The following MEIS2 variants were observed in gnomAD, a reference collection of about 807,000 sequenced individuals.
MEIS2 encodes the protein homeobox protein Meis2.
MEIS2 carries 9 observed loss-of-function variants against 58.6 expected under a neutral mutation model. That is an observed-to-expected ratio of 0.15 (90% CI 0.09 to 0.27). The LOEUF (loss-of-function observed/expected upper bound fraction) is 0.27, where lower values mean the gene tolerates loss of function less well. Ranked by LOEUF, MEIS2 falls within the 10% of genes least tolerant of loss-of-function variation. The pLI is 1.00. For synonymous variants in MEIS2, 221 were observed against 228.4 expected, an observed-to-expected ratio of 0.97 and a Z score of 0.29; for missense variants, 427 against 635.0, an observed-to-expected ratio of 0.67 and a Z score of 3.52.
chr15:36,912,229 G>T (rs2057064979), intron 9 of MEIS2, among the ~76,000 whole-genome samples: 1 of 152,176 alleles, frequency 6.6e-6, no homozygotes, highest in African/African-American at 2.4e-5. Flanking sequence ...CCATGGAGTG[G>T]CTGGGTAAAT....
Position 37,057,571 on chromosome 15 carries a change from AG to A in MEIS2, c.755-20613del, listed in dbSNP as rs1260482017. Among the ~76,000 whole-genome samples, 3 of 152,208 alleles carry A rather than the reference AG, an allele frequency of 2.0e-5. No individual in the cohort carries two copies. In the East Asian group the frequency reaches 5.8e-4, roughly 29 times the overall value. ...AAAGCGGCAACTCCCTGAGCAGTAAAGGGCTCAACGGGGCCTCCTGGGACCC... is the reference window on the plus strand; with the variant it reads ...AAAGCGGCAACTCCCTGAGCAGTAAAGGCTCAACGGGGCCTCCTGGGACCC... On this transcript the variant is annotated intron_variant, in intron 7 of 11. Transcript: ENST00000561208.
intron 8 of MEIS2, among the ~76,000 whole-genome samples, chr15:37,035,345 A>G (rs1202321996): frequency 6.6e-6 from 1 of 152,242 alleles, no homozygotes; most frequent in Non-Finnish European, 1.5e-5. Flanking sequence ...AATAATAACC[A>G]CATGGCAAGG....
intron 8 of MEIS2, among the ~76,000 whole-genome samples, chr15:37,006,076 TC>T (rs2060911854): frequency 6.6e-6 from 1 of 152,244 alleles, no homozygotes; most frequent in African/African-American, 2.4e-5. Flanking sequence ...CTTCCCTTGT[TC>T]TAAGTATTTG....
intron 7 of MEIS2, among the ~76,000 whole-genome samples, chr15:37,070,568 T>G (rs1277941884): frequency 6.6e-6 from 1 of 152,182 alleles, no homozygotes; most frequent in Non-Finnish European, 1.5e-5. Flanking sequence ...CCTGCTCTAC[T>G]GCAGCTTTCA....
intron 5 of MEIS2, among the ~76,000 whole-genome samples, chr15:37,094,273 C>T (rs536012318): frequency 1.3e-5 from 2 of 152,220 alleles, no homozygotes; most frequent in South Asian, 4.2e-4. Flanking sequence ...AAATGGTTTG[C>T]TGCATTTCAA....
intron 9 of MEIS2, among the ~76,000 whole-genome samples, chr15:36,908,294 CATA>C (rs2056840365): frequency 1.3e-5 from 2 of 152,186 alleles, no homozygotes; most frequent in African/African-American, 4.8e-5. Context: ...ATCCCGTAAT[CATA>C]AAAGACATAA....
chr15:36,938,349 A>G (rs1021954326), intron 9 of MEIS2, among the ~76,000 whole-genome samples: 5 of 152,076 alleles, frequency 3.3e-5, no homozygotes, highest in African/African-American at 1.2e-4. Context: ...TATGCTACCT[A>G]TTGTGAAAAC....
intron 7 of MEIS2, among the ~76,000 whole-genome samples, chr15:37,052,467 C>G (rs1176989111): frequency 6.6e-6 from 1 of 152,154 alleles, no homozygotes; most frequent in Non-Finnish European, 1.5e-5. Context: ...GAACTCAAGT[C>G]CATGCTCTCT....
At chr15:36,910,848 C>T (rs545904758) in intron 9 of MEIS2, among the ~76,000 whole-genome samples, 1 of 152,238 alleles carries the variant, frequency 6.6e-6, no homozygotes, top group South Asian at 2.1e-4. Flanking sequence ...AGTTCAAGCC[C>T]AGCCTGGCCA....
intron 8 of MEIS2, among the ~76,000 whole-genome samples, chr15:36,996,057 A>G (rs1821971319): frequency 2.0e-5 from 2 of 99,124 alleles, no homozygotes; most frequent in African/African-American, 6.3e-5. Flanking sequence ...ATATATATAT[A>G]CACACACATA....
chr15:37,095,982 T>C (rs1199240706), intron 3 of MEIS2: 2 of 429,348 alleles, frequency 4.7e-6, no homozygotes, highest in Non-Finnish European at 4.2e-6. Flanking sequence ...TCACAGCCCC[T>C]CTCCCCAATT....
At chr15:36,997,932 T>C (rs2060583539) in intron 8 of MEIS2, among the ~76,000 whole-genome samples, 1 of 152,208 alleles carries the variant, frequency 6.6e-6, no homozygotes, top group African/African-American at 2.4e-5. Context: ...GGCTGAAACC[T>C]GTGGCCCTGC....
intron 7 of MEIS2, among the ~76,000 whole-genome samples, chr15:37,067,698 A>T (rs1228786564): frequency 2.6e-5 from 4 of 152,076 alleles, no homozygotes; most frequent in Non-Finnish European, 5.9e-5. Flanking sequence ...CCAGATTTGA[A>T]GCCTTTTCCT....
In MEIS2 at chr15:36,973,342, A is replaced by C. The variant is rs554910939; in HGVS notation, c.901-22942T>G. On this transcript the variant is annotated intron_variant, in intron 8 of 11. Transcript: ENST00000561208. ...CTGGTGTGACACTGGCACAACACCT[A>C]TTGCCCCGGTAGAAAGACCTTTATT... is the stretch of plus-strand genomic sequence containing the variant. Among the ~76,000 whole-genome samples, 4 of 152,304 alleles carry C rather than the reference A, an allele frequency of 2.6e-5. No individual in the cohort carries two copies. In the South Asian group the frequency reaches 8.3e-4, roughly 32 times the overall value.
chr15:36,906,029 A>G (rs1350021549), intron 9 of MEIS2, among the ~76,000 whole-genome samples: 1 of 152,178 alleles, frequency 6.6e-6, no homozygotes, highest in African/African-American at 2.4e-5. Flanking sequence ...AAGAACGTGG[A>G]ATGTTGGAAG....
At chr15:37,088,764 G>C (rs2141935367) in intron 6 of MEIS2, among the ~76,000 whole-genome samples, 1 of 152,262 alleles carries the variant, frequency 6.6e-6, no homozygotes, top group African/African-American at 2.4e-5. Flanking sequence ...TCTCCATTTA[G>C]TCGAGCAACT....
chr15:37,089,446 A>C (rs75532077), intron 6 of MEIS2, among the ~76,000 whole-genome samples: 1,882 of 152,246 alleles, frequency 0.012, 38 homozygotes, highest in African/African-American at 0.043. Context: ...CCCATTTGAA[A>C]AAACAAACAA....
intron 8 of MEIS2, among the ~76,000 whole-genome samples, chr15:37,030,458 T>C (rs1419406376): frequency 6.6e-6 from 1 of 151,972 alleles, no homozygotes; most frequent in Non-Finnish European, 1.5e-5. Flanking sequence ...TGCCTCAGCC[T>C]CCCCAGTAGC....
At chr15:37,041,066 A>G (rs1178454194) in intron 7 of MEIS2, among the ~76,000 whole-genome samples, 4 of 152,228 alleles carry the variant, frequency 2.6e-5, no homozygotes, top group East Asian at 1.9e-4. Flanking sequence ...AGTAACTGCA[A>G]TCTGGCCTGG....
Sources: gnomAD v4.1 joint callset for allele counts (sites outside exome capture counted in the v4.1 genomes callset) on GRCh38, gnomAD v4.1.1 for gene constraint, MANE v1.5 for transcripts, NCBI Gene and HGNC (gene_info 2026-07-23, HGNC 2026-07-21) for gene names.